CHKA: variants seen among roughly 807,000 people sequenced by gnomAD.
The protein encoded by CHKA is CHETK-alpha.
CHKA carries 34 observed loss-of-function variants against 60.1 expected under a neutral mutation model. The ratio of observed to expected loss-of-function variants is 0.57; its 90% CI spans 0.43 to 0.75. The LOEUF (loss-of-function observed/expected upper bound fraction) is 0.75, where lower values mean the gene tolerates loss of function less well. Ranked by LOEUF, CHKA falls within the 30% of genes least tolerant of loss-of-function variation. The pLI, the probability that CHKA is intolerant of heterozygous loss-of-function variation, is 0.00. For synonymous variants in CHKA, 217 were observed against 223.1 expected, an observed-to-expected ratio of 0.97 and a Z score of 0.24; for missense variants, 563 against 561.3, an observed-to-expected ratio of 1.00 and a Z score of -0.03.
intron 1 of CHKA, among the ~76,000 whole-genome samples, chr11:68,109,993 C>G (rs1858073830): frequency 2.0e-5 from 3 of 152,036 alleles, no homozygotes. Flanking sequence ...TATAATCTAT[C>G]ACATCAACAG....
intron 11 of CHKA, among the ~76,000 whole-genome samples, chr11:68,057,244 A>C (rs1231977408): frequency 6.6e-6 from 1 of 151,830 alleles, no homozygotes; most frequent in Admixed American, 6.6e-5. Context: ...TGCTCACAGC[A>C]ACTTACTCTA....
intron 1 of CHKA, among the ~76,000 whole-genome samples, chr11:68,105,660 A>C (rs1857889436): frequency 6.6e-6 from 1 of 152,094 alleles, no homozygotes; most frequent in Non-Finnish European, 1.5e-5. Context: ...CATGTATGTG[A>C]ATCCGCTGAA....
intron 2 of CHKA, among the ~76,000 whole-genome samples, chr11:68,094,994 G>GAT (rs1046634610): frequency 6.6e-6 from 1 of 152,008 alleles, no homozygotes; most frequent in African/African-American, 2.4e-5. Context: ...ATATCATATG[G>GAT]ATATGATCTA....
At chr11:68,064,418 A>AAAAG in intron 10 of CHKA, 107 bp downstream of exon 10, 1 of 567,942 alleles carries the variant, frequency 1.8e-6, no homozygotes, top group Non-Finnish European at 3.0e-6. Flanking sequence ...AAAAAAAAAA[A>AAAAG]AAGAAGAAGA....
At chr11:68,116,687 C>T (rs577109562) in intron 1 of CHKA, among the ~76,000 whole-genome samples, 7 of 151,212 alleles carry the variant, frequency 4.6e-5, no homozygotes, top group African/African-American at 1.5e-4. Flanking sequence ...ATTGTGCTCC[C>T]GCCTGGGCAA....
Position 68,120,883 on chromosome 11 carries a change from G to A in CHKA, c.295C>T (p.Leu99=). The change falls in exon 1 of 12, where the codon CTG becomes TTG. Residue 99 remains leucine, a synonymous_variant. Coordinates refer to ENST00000265689, the MANE Select transcript of CHKA (RefSeq NM_001277.3). ...RRAYLWCKEF[L]PGAWRGLRED... Reference sequence around the variant, plus strand: ...CGGAGGCCCCGCCAGGCGCCGGGCAGGAACTCCTTGCACCACAGATAGGCC... The same window carrying A: ...CGGAGGCCCCGCCAGGCGCCGGGCAAGAACTCCTTGCACCACAGATAGGCC... 7.4e-7 allele frequency: 1 copy of A among 1,355,714 alleles called. No individual in the cohort carries two copies. The highest frequency in any genetic ancestry group is 2.4e-5 in the Admixed American group (1 of 41,842). 84.0% of individuals were successfully genotyped at this position (1,355,714 alleles called of 1,614,324 possible).
intron 11 of CHKA, among the ~76,000 whole-genome samples, chr11:68,054,919 T>C (rs530639026): frequency 1.3e-5 from 2 of 152,296 alleles, no homozygotes; most frequent in Non-Finnish European, 2.9e-5. Context: ...CACTATACAA[T>C]ATGCAGCCTC....
intron 1 of CHKA, among the ~76,000 whole-genome samples, chr11:68,104,885 A>T (rs1857856503): frequency 6.6e-6 from 1 of 150,662 alleles, no homozygotes; most frequent in African/African-American, 2.4e-5. Context: ...CGGGCAGATC[A>T]TCTGAGGTCA....
rs544931249 is a variant in CHKA at position 68,093,266 on chromosome 11, T to C, written c.462+3753A>G. On this transcript the variant is annotated intron_variant, in intron 2 of 11. Transcript: ENST00000265689. ...CCACCTGCCTTGGCCTCCCAAAGTG[T>C]TGGAATTACAGGAGTGAGCCACCAT... is the stretch of plus-strand genomic sequence containing the variant. Among the ~76,000 whole-genome samples, 15 of 152,274 alleles carry C rather than the reference T, an allele frequency of 9.9e-5. No homozygotes were observed. The East Asian group carries it at 2.1e-3, about 22-fold the overall frequency.
chr11:68,113,227 T>C (rs1858245861), intron 1 of CHKA, among the ~76,000 whole-genome samples: 1 of 148,278 alleles, frequency 6.7e-6, no homozygotes, highest in African/African-American at 2.5e-5. Flanking sequence ...GAGGACCACA[T>C]CTGTGAATAC....
At chr11:68,078,573 T>A (rs1341595764) in intron 3 of CHKA, among the ~76,000 whole-genome samples, 2 of 152,226 alleles carry the variant, frequency 1.3e-5, no homozygotes, top group Non-Finnish European at 2.9e-5. Flanking sequence ...ACTTTTCACT[T>A]TATCTATGAA....
At chr11:68,116,594 G>A (rs1308357202) in intron 1 of CHKA, among the ~76,000 whole-genome samples, 1 of 152,036 alleles carries the variant, frequency 6.6e-6, no homozygotes, top group Non-Finnish European at 1.5e-5. Context: ...GCATGTGACT[G>A]TAATCCCAGC....
intron 7 of CHKA, among the ~76,000 whole-genome samples, chr11:68,068,575 A>G (rs1248959719): frequency 6.6e-6 from 1 of 151,936 alleles, no homozygotes; most frequent in African/African-American, 2.4e-5. Context: ...ACACTACTAT[A>G]CCTGGCTAAT....
At chr11:68,091,114 A>T (rs1266941785) in intron 2 of CHKA, among the ~76,000 whole-genome samples, 2 of 152,220 alleles carry the variant, frequency 1.3e-5, no homozygotes, top group African/African-American at 4.8e-5. Context: ...AAAGGAAAAA[A>T]ATCAAGTTAC....
intron 1 of CHKA, among the ~76,000 whole-genome samples, chr11:68,112,395 T>C (rs755597449): frequency 3.9e-5 from 6 of 152,130 alleles, no homozygotes; most frequent in Non-Finnish European, 8.8e-5. Flanking sequence ...GTAGCTGGCA[T>C]TACAGGTGCC....
chr11:68,055,231 AAAT>A (rs1855964289), intron 11 of CHKA, among the ~76,000 whole-genome samples: 2 of 152,118 alleles, frequency 1.3e-5, no homozygotes, highest in South Asian at 4.1e-4. Context: ...CCTCTACTAA[AAAT>A]AAAAAATTAG....
chr11:68,087,732 C>T (rs1025547513), intron 2 of CHKA, among the ~76,000 whole-genome samples: 2 of 152,136 alleles, frequency 1.3e-5, no homozygotes, highest in African/African-American at 4.8e-5. Flanking sequence ...GATCATTCAG[C>T]TTACTGTCTC....
chr11:68,056,234 A>G (rs1018574753), intron 11 of CHKA, among the ~76,000 whole-genome samples: 4 of 152,172 alleles, frequency 2.6e-5, no homozygotes, highest in Non-Finnish European at 5.9e-5. Context: ...AACTGTGATG[A>G]CATATATGTG....
intron 11 of CHKA, 178 bp downstream of exon 11, chr11:68,061,775 G>C (rs530032624): frequency 4.6e-6 from 3 of 651,280 alleles, no homozygotes; most frequent in Non-Finnish European, 8.5e-6. Context: ...CTTCTCCCCC[G>C]GCTTCCTGGG....
Sources: allele counts gnomAD v4.1 joint callset (sites outside exome capture counted in the v4.1 genomes callset), GRCh38; gene constraint gnomAD v4.1.1; transcripts MANE v1.5; gene names NCBI Gene and HGNC (gene_info 2026-07-23, HGNC 2026-07-21).